The following PRKAB1 variants were observed in gnomAD, a reference collection of about 807,000 sequenced individuals.
PRKAB1 encodes the protein protein kinase AMP-activated non-catalytic subunit beta 1.
PRKAB1 carries 18 observed loss-of-function variants against 32.0 expected under a neutral mutation model. The ratio of observed to expected loss-of-function variants is 0.56; its 90% CI spans 0.39 to 0.83. PRKAB1 has a LOEUF of 0.83. PRKAB1 is among the 40% of genes least tolerant of loss of function. The probability of loss-of-function intolerance (pLI) is 0.00; values close to 1 mark genes in which losing one functional copy is unlikely to be tolerated. For synonymous variants in PRKAB1, 141 were observed against 141.4 expected (o/e 1.00, Z 0.02); for missense variants, 263 against 352.6 (o/e 0.75, Z 2.03).
Position 119,680,718 on chromosome 12 carries a change from GCCAC to G in PRKAB1, c.*394_*397del, listed in dbSNP as rs1242540149. On this transcript the variant is annotated 3_prime_UTR_variant, in exon 7 of 7. Transcript: ENST00000229328. ...AAAATTCTGGGAAACAGGGACTGAG[GCCAC>G]ACATCATTTCCAGTCATCTGTGTGT... 5.1e-6 allele frequency: 1 copy of G among 196,066 alleles called. No homozygotes were observed. Among genetic ancestry groups the G allele is most frequent in the Non-Finnish European group, 1.1e-5 (1 of 94,466 alleles). 12.1% of individuals were successfully genotyped at this position (196,066 alleles called of 1,614,324 possible). A position where few individuals can be genotyped will look rare whatever the true frequency, so the allele number is the denominator to read the frequency against.
chr12:119,672,529 CTGAG>C, intron 2 of PRKAB1, 65 bp downstream of exon 2: 1 of 1,400,912 alleles, frequency 7.1e-7, no homozygotes, highest in Non-Finnish European at 9.4e-7. Context: ...TAAAACATCT[CTGAG>C]AGAGAACAGA....
At position 119,674,237 on chromosome 12, in the gene PRKAB1, C is replaced by G; in HGVS notation, c.418-103C>G. ...TACTTGACCAAGATGAGCAGGGTGGCTAGCCAGGAGATGAGGCCTTCCAGC... is the reference window on the plus strand; with the variant it reads ...TACTTGACCAAGATGAGCAGGGTGGGTAGCCAGGAGATGAGGCCTTCCAGC... On this transcript the variant is annotated intron_variant, in intron 3 of 6. Transcript: ENST00000229328. The surrounding 1 kb of genome is among the most constrained non-coding windows in gnomAD (Gnocchi z 4.3). The G allele has an allele frequency of 9.2e-7, 1 of 1,082,042 alleles. No individual in the cohort carries two copies. Among genetic ancestry groups the G allele is most frequent in the Non-Finnish European group, 1.4e-6 (1 of 727,850 alleles). The allele number at this position is 1,082,042 out of a possible 1,614,324, so 67.0% of individuals were successfully genotyped here.
rs747611543 is a variant in PRKAB1 at position 119,674,042 on chromosome 12, G to A, written c.402G>A (p.Thr134=). 23 of 1,613,386 alleles carry A rather than the reference G, an allele frequency of 1.4e-5. 1 individual carries two copies. The highest frequency in any genetic ancestry group is 1.2e-4 in the South Asian group (11 of 91,058). ...AGTTCTTTGTGGATGGTCAGTGGAC[G>A]CACGACCCTTCCGAGGTACTCTTCC... ...QYKFFVDGQW[T]HDPSEPIVTS... is the part of the protein sequence containing the mutation. The change falls in exon 3 of 7, where the codon ACG becomes ACA. Residue 134 remains threonine (T), a synonymous_variant. Transcript: ENST00000229328. The surrounding 1 kb of genome is among the most constrained non-coding windows in gnomAD (Gnocchi z 4.3).
In PRKAB1 at chr12:119,676,691, C is replaced by G. The variant is rs1398742369; in HGVS notation, c.666+21C>G. 3 of 1,611,154 alleles carry G rather than the reference C, an allele frequency of 1.9e-6. No homozygotes were observed. The Admixed American group carries it at 5.0e-5, about 27-fold the overall frequency. On this transcript the variant is annotated intron_variant, in intron 5 of 6. Transcript: ENST00000229328. ...TTTCCGTAAGTATGTGGGCATCTGC[C>G]CGGACCATCCGCCGTGGGTCATGTT...
Position 119,668,470 on chromosome 12 carries a change from T to C in PRKAB1, c.159+67T>C, listed in dbSNP as rs1178678941. 5.1e-6 allele frequency: 8 copies of C among 1,567,708 alleles called. No individual in the cohort carries two copies. In the African/African-American group the frequency reaches 1.1e-4, roughly 22 times the overall value. Reference sequence around the variant, plus strand: ...TTGAGGAGAGGAACCCTCCACTAGATTCCCGTCACATCCTTTCGAAAAACA... The same window carrying C: ...TTGAGGAGAGGAACCCTCCACTAGACTCCCGTCACATCCTTTCGAAAAACA... On this transcript the variant is annotated intron_variant, in intron 1 of 6. Transcript: ENST00000229328.
chr12:119,679,901 A>T lies in PRKAB1; in HGVS notation c.667-32A>T. On this transcript the variant is annotated intron_variant, in intron 5 of 6. Coordinates refer to ENST00000229328, the MANE Select transcript of PRKAB1 (RefSeq NM_006253.5). The surrounding 1 kb of genome is among the most constrained non-coding windows in gnomAD (Gnocchi z 4.1). ...GGGAGAATCTTGGTTTCCAAATCCC[A>T]AATGCTCACCGCTGCCTTTGTTCCC... is the stretch of plus-strand genomic sequence containing the variant. 1 of 1,609,434 alleles carries T rather than the reference A, an allele frequency of 6.2e-7. No individual in the cohort carries two copies. Among genetic ancestry groups the T allele is most frequent in the South Asian group, 1.1e-5 (1 of 90,960 alleles).
rs779238721 is a variant in PRKAB1, at chr12:119,679,966, G to A, written c.700G>A (p.Val234Ile). 7 of 1,613,976 alleles carry A rather than the reference G, an allele frequency of 4.3e-6. No homozygotes were observed. The highest frequency in any genetic ancestry group is 1.3e-5 in the African/African-American group (1 of 74,896). The stretch of plus-strand genomic sequence containing the variant: ...AGCTTTGCTTCCTGAGCCCAATCAC[G>A]TCATGCTGAACCACCTATACGCGCT... ...DPALLPEPNH[V>I]MLNHLYALSI... Residue 234 changes from valine (V) to isoleucine (I), a missense_variant, in exon 6 of 7, where the codon GTC becomes ATC. Coordinates refer to ENST00000229328, the MANE Select transcript of PRKAB1 (RefSeq NM_006253.5). This position sits in a 1 kb window ranked among gnomAD's most constrained non-coding sequence, Gnocchi z 4.1.
chr12:119,675,012 T>C (rs1955413185), intron 4 of PRKAB1, among the ~76,000 whole-genome samples: 1 of 152,236 alleles, frequency 6.6e-6, no homozygotes. Flanking sequence ...CCAGTAAAAC[T>C]TCTCCATCTT....
At position 119,668,196 on chromosome 12, in the gene PRKAB1, C is replaced by T; in HGVS notation, c.-49C>T. 1.3e-6 allele frequency: 2 copies of T among 1,512,506 alleles called. No individual in the cohort carries two copies. Among genetic ancestry groups the T allele is most frequent in the East Asian group, 2.5e-5 (1 of 40,078 alleles). The allele number at this position is 1,512,506 out of a possible 1,614,324, so 93.7% of individuals were successfully genotyped here. A position where few individuals can be genotyped will look rare whatever the true frequency, so the allele number is the denominator to read the frequency against. ...GAGTCCCTTGCTCAGGGTCCCTTTC[C>T]TGCAGTGAGGCGCCGTCCGCCTTCC... On this transcript the variant is annotated 5_prime_UTR_variant, in exon 1 of 7. Transcript: ENST00000229328.
intron 4 of PRKAB1, among the ~76,000 whole-genome samples, chr12:119,675,615 C>T (rs1476422423): frequency 3.3e-5 from 5 of 152,226 alleles, no homozygotes; most frequent in Non-Finnish European, 5.9e-5. Context: ...GCTAATTCCA[C>T]GTTCTCTACA....
chr12:119,680,526 C>G lies in PRKAB1; in HGVS notation c.*201C>G, dbSNP rs1217610338. ...CCTCGGTCTGTGACAGTCCTCCTAG[C>G]ACCCCCATGGCTTTGAGCCTCGGGG... On this transcript the variant is annotated 3_prime_UTR_variant, in exon 7 of 7. Coordinates refer to ENST00000229328, the MANE Select transcript of PRKAB1 (RefSeq NM_006253.5). 1.7e-6 allele frequency: 1 copy of G among 599,258 alleles called. No homozygotes were observed. Among genetic ancestry groups the G allele is most frequent in the South Asian group, 2.1e-5 (1 of 47,978 alleles). The allele number at this position is 599,258 out of a possible 1,614,324, so 37.1% of individuals were successfully genotyped here.
In PRKAB1 at chr12:119,673,933, C is replaced by T. The variant is rs370057551; in HGVS notation, c.324-31C>T. ...TAAGCTCGGGGGGCAGCCCACCCCA[C>T]GGAAGTCCTCTGCTTCCTTTTTCCT... On this transcript the variant is annotated intron_variant, in intron 2 of 6. Transcript: ENST00000229328. The T allele has an allele frequency of 2.5e-5, 39 of 1,591,476 alleles. No individual in the cohort carries two copies. The African/African-American group carries it at 3.0e-4, about 12-fold the overall frequency.
upstream of PRKAB1, chr12:119,668,093 A>ACCGGCT (rs1372773684): frequency 4.0e-6 from 4 of 1,003,138 alleles, no homozygotes; most frequent in Non-Finnish European, 5.4e-6. Flanking sequence ...CTCAGCCGGA[A>ACCGGCT]CCGGCTCCCG....
chr12:119,672,537 G>A, intron 2 of PRKAB1, 73 bp downstream of exon 2: 1 of 1,390,010 alleles, frequency 7.2e-7, no homozygotes, highest in Non-Finnish European at 9.5e-7. Context: ...CTCTGAGAGA[G>A]AACAGAAAAT....
At position 119,680,674 on chromosome 12, in the gene PRKAB1, T is replaced by C. The variant is rs1404701446; in HGVS notation, c.*349T>C. 1 of 241,818 alleles carries C rather than the reference T, an allele frequency of 4.1e-6. No homozygotes were observed. The highest frequency in any genetic ancestry group is 8.1e-6 in the Non-Finnish European group (1 of 123,048). 15.0% of individuals were successfully genotyped at this position (241,818 alleles called of 1,614,324 possible). A position where few individuals can be genotyped will look rare whatever the true frequency, so the allele number is the denominator to read the frequency against. On this transcript the variant is annotated 3_prime_UTR_variant, in exon 7 of 7. Coordinates refer to ENST00000229328, the MANE Select transcript of PRKAB1 (RefSeq NM_006253.5). ...CGATTTTTCTTAAGCCAAAAATGAA[T>C]GCTAACTCCTTTGCCAGTAAAATTC...
rs1955460384 is a variant in PRKAB1, at chr12:119,680,986, A to G, written c.*661A>G. On this transcript the variant is annotated 3_prime_UTR_variant, in exon 7 of 7. Transcript: ENST00000229328. ...TGGCTGGCTCTGCAGCCTTAAGGCC[A>G]TTTTTTAAGTCACCACGTCTAGAAG... 1 of 152,590 alleles carries G rather than the reference A, an allele frequency of 6.6e-6. No individual in the cohort carries two copies. The highest frequency in any genetic ancestry group is 2.1e-4 in the South Asian group (1 of 4,828). The allele number at this position is 152,590 out of a possible 1,614,324, so 9.5% of individuals were successfully genotyped here. A position where few individuals can be genotyped will look rare whatever the true frequency, so the allele number is the denominator to read the frequency against.
At chr12:119,673,863 T>C (rs929013884) in intron 2 of PRKAB1, 101 bp from the exon 3 acceptor site, 3 of 936,324 alleles carry the variant, frequency 3.2e-6, no homozygotes, top group Non-Finnish European at 4.9e-6. Flanking sequence ...AGCTGAACTC[T>C]TGGTTTTATG....
At chr12:119,677,868 C>G (rs1265542546) in intron 5 of PRKAB1, 1 of 150,730 alleles carries the variant, frequency 6.6e-6, no homozygotes, top group Non-Finnish European at 1.5e-5. Context: ...GAGTTCACGC[C>G]ATTCTCCTGC....
intron 1 of PRKAB1, among the ~76,000 whole-genome samples, chr12:119,670,446 G>A (rs1018042068): frequency 6.6e-6 from 1 of 152,154 alleles, no homozygotes; most frequent in African/African-American, 2.4e-5. Flanking sequence ...ACAACCTGTG[G>A]TTTGAACTTG....
Sources: gnomAD v4.1 joint callset for allele counts (sites outside exome capture counted in the v4.1 genomes callset) on GRCh38, gnomAD v4.1.1 for gene constraint, Gnocchi (gnomAD v3.1) non-coding constraint, MANE v1.5 for transcripts, NCBI Gene and HGNC (gene_info 2026-07-23, HGNC 2026-07-21) for gene names.